KCNH1: variants seen among roughly 807,000 people sequenced by gnomAD.
KCNH1 encodes potassium voltage-gated channel subfamily H member 1, also known as voltage-gated delayed rectifier potassium channel KCNH1.
A neutral mutation model predicts 69.2 loss-of-function variants in KCNH1; 27 were observed. The ratio of observed to expected loss-of-function variants is 0.39; its 90% CI spans 0.29 to 0.54. The LOEUF (loss-of-function observed/expected upper bound fraction) is 0.54. Among genes scored for constraint, KCNH1 ranks in the 20% least tolerant of loss-of-function variants. The pLI is 0.68. For synonymous variants in KCNH1, 456 were observed against 487.7 expected (o/e 0.93, Z 0.86); for missense variants, 798 against 1,261.6 (o/e 0.63, Z 5.57).
chr1:210,724,616 G>C (rs1418364053), intron 10 of KCNH1, among the ~76,000 whole-genome samples: 1 of 152,160 alleles, frequency 6.6e-6, no homozygotes, highest in Non-Finnish European at 1.5e-5. Context: ...ACAGCAGAAG[G>C]CATGGGCTTT....
At chr1:210,991,488 G>T (rs1001073548) in intron 6 of KCNH1, among the ~76,000 whole-genome samples, 13 of 151,940 alleles carry the variant, frequency 8.6e-5, no homozygotes, top group African/African-American at 3.1e-4. Flanking sequence ...TTGGTCAAAG[G>T]GTACAAAGTT....
At chr1:210,863,672 T>G in intron 7 of KCNH1, among the ~76,000 whole-genome samples, 1 of 152,332 alleles carries the variant, frequency 6.6e-6, no homozygotes, top group Non-Finnish European at 1.5e-5. Context: ...AACCCTCCTC[T>G]TCACAGCTCT....
At chr1:211,059,721 C>T (rs531137197) in intron 5 of KCNH1, among the ~76,000 whole-genome samples, 12 of 151,034 alleles carry the variant, frequency 7.9e-5, no homozygotes, top group East Asian at 2.0e-4. Flanking sequence ...CCAGCCTGGG[C>T]GACAGAGCGA....
Position 210,962,595 on chromosome 1 carries a change from T to G in KCNH1, c.1033-42526A>C, listed in dbSNP as rs578068274. Among the ~76,000 whole-genome samples, 16 of 152,186 alleles carry G rather than the reference T, an allele frequency of 1.1e-4. No individual in the cohort carries two copies. In the South Asian group the frequency reaches 3.3e-3, roughly 32 times the overall value. ...TGCAGATAACTATAGTTTATTCATTTTTAGCACTGGATAACATTCCATTGG... is the reference window on the plus strand; with the variant it reads ...TGCAGATAACTATAGTTTATTCATTGTTAGCACTGGATAACATTCCATTGG... On this transcript the variant is annotated intron_variant, in intron 6 of 10. Coordinates refer to ENST00000271751, the MANE Select transcript of KCNH1 (RefSeq NM_172362.3).
intron 6 of KCNH1, among the ~76,000 whole-genome samples, chr1:210,953,513 T>C (rs1422742315): frequency 6.6e-6 from 1 of 152,230 alleles, no homozygotes; most frequent in Non-Finnish European, 1.5e-5. Context: ...TTTCTGGCAA[T>C]CTGGATCTCT....
At chr1:211,128,264 C>T (rs1445883367) in intron 1 of KCNH1, among the ~76,000 whole-genome samples, 1 of 106,426 alleles carries the variant, frequency 9.4e-6, no homozygotes, top group Admixed American at 1.3e-4. Context: ...ACTCCAGCGA[C>T]AAAGTGAGAT....
chr1:210,843,650 G>A (rs1159832414), intron 7 of KCNH1, among the ~76,000 whole-genome samples: 2 of 152,170 alleles, frequency 1.3e-5, no homozygotes, highest in Admixed American at 1.3e-4. Flanking sequence ...ATTTACCAGA[G>A]GTCACAGGAT....
At chr1:211,026,020 T>C (rs1689677131) in intron 5 of KCNH1, among the ~76,000 whole-genome samples, 1 of 152,146 alleles carries the variant, frequency 6.6e-6, no homozygotes, top group Non-Finnish European at 1.5e-5. Context: ...ACTCACTTTG[T>C]CTCTCAAACT....
At chr1:211,030,496 A>G (rs886971888) in intron 5 of KCNH1, among the ~76,000 whole-genome samples, 5 of 152,220 alleles carry the variant, frequency 3.3e-5, no homozygotes, top group Admixed American at 6.5e-5. Flanking sequence ...TGCAAACGCA[A>G]TTTGTGCAGG....
chr1:211,103,931 T>C (rs1244573155), intron 2 of KCNH1, among the ~76,000 whole-genome samples: 1 of 152,158 alleles, frequency 6.6e-6, no homozygotes, highest in Non-Finnish European at 1.5e-5. Flanking sequence ...GTGCACTCCC[T>C]GGTTGATCAG....
At chr1:210,988,084 G>C (rs556492237) in intron 6 of KCNH1, among the ~76,000 whole-genome samples, 2 of 152,214 alleles carry the variant, frequency 1.3e-5, no homozygotes, top group African/African-American at 4.8e-5. Context: ...CTCTGAGCCA[G>C]GTGCAGGATA....
At chr1:210,733,209 G>A (rs1351068016) in intron 10 of KCNH1, among the ~76,000 whole-genome samples, 1 of 152,046 alleles carries the variant, frequency 6.6e-6, no homozygotes, top group African/African-American at 2.4e-5. Flanking sequence ...TCAGAAAGCT[G>A]TGCATGTTGG....
chr1:210,859,624 T>C (rs189043722), intron 7 of KCNH1: 3 of 1,347,906 alleles, frequency 2.2e-6, no homozygotes, highest in Non-Finnish European at 3.2e-6. Context: ...AGCTTCATCA[T>C]CATCACTGTC....
At chr1:210,739,865 C>T (rs1326140696) in intron 10 of KCNH1, among the ~76,000 whole-genome samples, 3 of 152,138 alleles carry the variant, frequency 2.0e-5, no homozygotes, top group Non-Finnish European at 2.9e-5. Context: ...CGCAGCACAA[C>T]ACAAACCCAG....
At chr1:210,851,214 C>T (rs1157600704) in intron 7 of KCNH1, among the ~76,000 whole-genome samples, 1 of 152,186 alleles carries the variant, frequency 6.6e-6, no homozygotes, top group Non-Finnish European at 1.5e-5. Flanking sequence ...CAAGAAGCTC[C>T]CAACTAATAG....
intron 10 of KCNH1, among the ~76,000 whole-genome samples, chr1:210,760,129 A>G (rs1337805028): frequency 2.0e-5 from 3 of 152,214 alleles, no homozygotes; most frequent in Non-Finnish European, 4.4e-5. Flanking sequence ...TGTCTTCCAT[A>G]AAACTGGTCC....
intron 7 of KCNH1, among the ~76,000 whole-genome samples, chr1:210,895,987 T>C (rs913431195): frequency 2.0e-5 from 3 of 152,134 alleles, no homozygotes; most frequent in African/African-American, 4.8e-5. Flanking sequence ...ATTTAGGATG[T>C]CAACAATTGT....
intron 5 of KCNH1, among the ~76,000 whole-genome samples, chr1:211,044,166 T>C (rs1270742090): frequency 6.6e-6 from 1 of 152,192 alleles, no homozygotes; most frequent in Non-Finnish European, 1.5e-5. Context: ...TGTTTGCTGA[T>C]GATATGATTG....
intron 5 of KCNH1, among the ~76,000 whole-genome samples, chr1:211,054,926 T>C (rs1488063791): frequency 6.6e-6 from 1 of 152,018 alleles, no homozygotes; most frequent in African/African-American, 2.4e-5. Flanking sequence ...ACAAATTAGA[T>C]ACCAGAATAA....
Sources: allele counts gnomAD v4.1 joint callset (sites outside exome capture counted in the v4.1 genomes callset), GRCh38; gene constraint gnomAD v4.1.1; transcripts MANE v1.5; gene names NCBI Gene and HGNC (gene_info 2026-07-23, HGNC 2026-07-21).